TCF7L1: variants seen among roughly 807,000 people sequenced by gnomAD.
TCF7L1 encodes the protein transcription factor 7 like 1.
TCF7L1 carries 18 observed loss-of-function variants against 63.7 expected under a neutral mutation model. The observed-to-expected ratio is 0.28, with a 90% CI of 0.20 to 0.42. The LOEUF (loss-of-function observed/expected upper bound fraction) is 0.42, where lower values mean the gene tolerates loss of function less well. Ranked by LOEUF, TCF7L1 falls within the 10% of genes least tolerant of loss-of-function variation. The pLI is 1.00. For synonymous variants in TCF7L1, 355 were observed against 340.9 expected, an observed-to-expected ratio of 1.04 and a Z score of -0.46; for missense variants, 654 against 779.3, an observed-to-expected ratio of 0.84 and a Z score of 1.91.
intron 3 of TCF7L1, among the ~76,000 whole-genome samples, chr2:85,165,005 G>C (rs757417633): frequency 2.0e-5 from 3 of 152,144 alleles, no homozygotes; most frequent in Non-Finnish European, 4.4e-5. Context: ...TACTGTAATT[G>C]GTTTCCTTTG....
intron 3 of TCF7L1, among the ~76,000 whole-genome samples, chr2:85,211,963 G>C (rs894326430): frequency 6.6e-6 from 1 of 151,836 alleles, no homozygotes; most frequent in Admixed American, 6.6e-5. Context: ...GGTGGCACGC[G>C]CCTGTAATCC....
chr2:85,222,248 G>A (rs1679857626), intron 3 of TCF7L1, among the ~76,000 whole-genome samples: 1 of 151,526 alleles, frequency 6.6e-6, no homozygotes, highest in South Asian at 2.1e-4. Context: ...GGCTGAGGCA[G>A]GAGAATCGCT....
Position 85,240,617 on chromosome 2 carries a change from CAAA to C in TCF7L1, c.442-42864_442-42862del, listed in dbSNP as rs60695204. Among the ~76,000 whole-genome samples, 310 of 127,152 alleles carry C rather than the reference CAAA, an allele frequency of 2.4e-3. 1 individual carries two copies. Among genetic ancestry groups the C allele is most frequent in the African/African-American group, 8.3e-3 (299 of 36,184 alleles). 83.4% of individuals were successfully genotyped at this position (127,152 alleles called of 152,430 possible). On this transcript the variant is annotated intron_variant, in intron 3 of 11. Coordinates refer to ENST00000282111, the MANE Select transcript of TCF7L1 (RefSeq NM_031283.3). Reference sequence around the variant, plus strand: ...CCAAACCCCATCTCTACTAAAAATACAAAAAAAAAAAAAAAATTAGCTGGACAT... The same window carrying C: ...CCAAACCCCATCTCTACTAAAAATACAAAAAAAAAAAAATTAGCTGGACAT...
chr2:85,193,065 G>T (rs1679072621), intron 3 of TCF7L1, among the ~76,000 whole-genome samples: 1 of 152,114 alleles, frequency 6.6e-6, no homozygotes, highest in African/African-American at 2.4e-5. Flanking sequence ...ATCGATACCT[G>T]GGAGAAGCCA....
chr2:85,140,598 A>C (rs1677704655), intron 3 of TCF7L1, among the ~76,000 whole-genome samples: 1 of 126,654 alleles, frequency 7.9e-6, no homozygotes, highest in Admixed American at 8.2e-5. Flanking sequence ...CAGGAGTTCG[A>C]GATCAGCCTG....
intron 3 of TCF7L1, among the ~76,000 whole-genome samples, chr2:85,261,846 A>C (rs1329457856): frequency 6.6e-6 from 1 of 152,134 alleles, no homozygotes; most frequent in East Asian, 1.9e-4. Context: ...GTGCCACTGC[A>C]CTCCAGCCTG....
At chr2:85,209,834 A>G (rs756660355) in intron 3 of TCF7L1, among the ~76,000 whole-genome samples, 11 of 152,088 alleles carry the variant, frequency 7.2e-5, no homozygotes, top group Non-Finnish European at 1.2e-4. Flanking sequence ...CTAAAAATGT[A>G]TCCTATAGCC....
At chr2:85,201,334 G>A (rs1275180340) in intron 3 of TCF7L1, among the ~76,000 whole-genome samples, 1 of 152,226 alleles carries the variant, frequency 6.6e-6, no homozygotes, top group Non-Finnish European at 1.5e-5. Flanking sequence ...GCCATGTACA[G>A]TCTGTGTGTG....
At chr2:85,195,524 C>T (rs550921818) in intron 3 of TCF7L1, among the ~76,000 whole-genome samples, 2 of 152,022 alleles carry the variant, frequency 1.3e-5, no homozygotes, top group African/African-American at 4.8e-5. Flanking sequence ...TTTTTGCTTG[C>T]TTTTTTGCTT....
In TCF7L1 at chr2:85,302,719, T is replaced by C. The variant is rs1682012817; in HGVS notation, c.658+103T>C. ...ATCAGGCTGACCTGGGTTCAAATCA[T>C]GGCTCTTTGTCTCAGGAGTCTTTGG... On this transcript the variant is annotated intron_variant, in intron 5 of 11. Transcript: ENST00000282111. The C allele has an allele frequency of 2.1e-6, 3 of 1,432,164 alleles. No homozygotes were observed. The East Asian group carries it at 6.8e-5, about 33-fold the overall frequency. 88.7% of individuals were successfully genotyped at this position (1,432,164 alleles called of 1,614,324 possible).
chr2:85,215,770 G>T (rs926310589), intron 3 of TCF7L1, among the ~76,000 whole-genome samples: 3 of 140,206 alleles, frequency 2.1e-5, no homozygotes, highest in East Asian at 4.9e-4. Context: ...GTGGGGGTGG[G>T]GGGGGGTGAG....
chr2:85,283,571 C>T lies in TCF7L1; in HGVS notation c.518C>T (p.Ala173Val). 1 of 1,614,188 alleles carries T rather than the reference C, an allele frequency of 6.2e-7. No individual in the cohort carries two copies. The change falls in exon 4 of 12, where the codon GCA (alanine) becomes GTA (valine). Residue 173 changes from alanine (A) to valine (V), a missense_variant. Physicochemically the swap from Ala to Val is moderately conservative, Grantham distance 64. Transcript: ENST00000282111. The part of the protein sequence containing the change: ...TVKDTRSPSP[A>V]HLSNKVPVVQ... ...AAGGACACGAGGTCACCATCTCCAG[C>T]ACACTTGGTAAGTCTGTTTCACCTT...
chr2:85,263,044 G>A (rs72840027), intron 3 of TCF7L1, among the ~76,000 whole-genome samples: 7,916 of 152,272 alleles, frequency 0.052, 285 homozygotes, highest in Non-Finnish European at 0.078. Flanking sequence ...GGAAAGCTGC[G>A]GTCCCTCAGC....
In TCF7L1 at chr2:85,272,414, G is replaced by A. The variant is rs150948749; in HGVS notation, c.442-11081G>A. On this transcript the variant is annotated intron_variant, in intron 3 of 11. Transcript: ENST00000282111. ...TTGCCTGAAATGTTAAAAATCCAGC[G>A]ATAACATTTGGGTGACTATGCTTCC... 1.2e-4 allele frequency among the ~76,000 whole-genome samples: 19 copies of A among 152,264 alleles called. No individual in the cohort carries two copies. The East Asian group carries it at 3.3e-3, about 26-fold the overall frequency.
chr2:85,133,771 G>A lies in TCF7L1; in HGVS notation c.87G>A (p.Gly29=). The A allele has an allele frequency of 1.6e-6, 2 of 1,257,672 alleles. No homozygotes were observed. Among genetic ancestry groups the A allele is most frequent in the South Asian group, 3.4e-5 (1 of 29,144 alleles). 77.9% of individuals were successfully genotyped at this position (1,257,672 alleles called of 1,614,324 possible). A position where few individuals can be genotyped will look rare whatever the true frequency, so the allele number is the denominator to read the frequency against. ...GGSSAGAAGG[G]DDLGANDELI... ...CCAGCGCCGGGGCGGCCGGCGGAGG[G>A]GACGACCTCGGGGCGAACGACGAGC... The change falls in exon 1 of 12, where the codon GGG becomes GGA. Residue 29 remains glycine (G), a synonymous_variant. Coordinates refer to ENST00000282111, the MANE Select transcript of TCF7L1 (RefSeq NM_031283.3). This position sits in a 1 kb window ranked among gnomAD's most constrained non-coding sequence, Gnocchi z 4.4.
At chr2:85,214,481 A>C (rs1161480425) in intron 3 of TCF7L1, among the ~76,000 whole-genome samples, 1 of 152,218 alleles carries the variant, frequency 6.6e-6, no homozygotes, top group Non-Finnish European at 1.5e-5. Context: ...TGACCCTGAG[A>C]ATAACCAAAA....
chr2:85,245,915 T>C (rs992934464), intron 3 of TCF7L1, among the ~76,000 whole-genome samples: 1 of 151,870 alleles, frequency 6.6e-6, no homozygotes, highest in African/African-American at 2.4e-5. Flanking sequence ...GATGGCCATG[T>C]CCTTCTTGGG....
In TCF7L1 at chr2:85,304,285, C is replaced by G. The variant is rs370626161; in HGVS notation, c.792C>G (p.Pro264=). The G allele has an allele frequency of 6.2e-7, 1 of 1,614,080 alleles. No individual in the cohort carries two copies. Among genetic ancestry groups the G allele is most frequent in the Non-Finnish European group, 8.5e-7 (1 of 1,179,978 alleles). Residue 264 remains proline (P), a synonymous_variant, in exon 7 of 12, where the codon CCC becomes CCG. Transcript: ENST00000282111. Reference sequence around the variant, plus strand: ...GCCAGCCCATGTACTCCCTTCCTCCCGGTGGCTTCCGGCACCCTTACCCCG... The same window carrying G: ...GCCAGCCCATGTACTCCCTTCCTCCGGGTGGCTTCCGGCACCCTTACCCCG... ...QQGQPMYSLP[P]GGFRHPYPAL... is the part of the protein sequence containing the mutation.
At chr2:85,169,443 C>G (rs1390619876) in intron 3 of TCF7L1, among the ~76,000 whole-genome samples, 1 of 151,630 alleles carries the variant, frequency 6.6e-6, no homozygotes, top group East Asian at 1.9e-4. Flanking sequence ...TCACTGCAAC[C>G]TCGAACTCCT....
Sources: gnomAD v4.1 joint callset for allele counts (sites outside exome capture counted in the v4.1 genomes callset) on GRCh38, gnomAD v4.1.1 for gene constraint, Gnocchi (gnomAD v3.1) non-coding constraint, MANE v1.5 for transcripts, NCBI Gene and HGNC (gene_info 2026-07-23, HGNC 2026-07-21) for gene names.